ROBO1: variants seen among roughly 807,000 people sequenced by gnomAD.
ROBO1 encodes roundabout guidance receptor 1.
A neutral mutation model predicts 195.9 loss-of-function variants in ROBO1; 149 were observed. The ratio of observed to expected loss-of-function variants is 0.76; its 90% CI spans 0.67 to 0.87. The LOEUF is 0.87. Ranked by LOEUF, ROBO1 falls within the 40% of genes least tolerant of loss-of-function variation. ROBO1 has a pLI of 0.00. For synonymous variants in ROBO1, 816 were observed against 733.2 expected (o/e 1.11, Z -1.82); for missense variants, 1,933 against 2,068.3 (o/e 0.93, Z 1.27).
At chr3:79,232,154 C>T (rs764727018) in intron 2 of ROBO1, among the ~76,000 whole-genome samples, 6 of 150,914 alleles carry the variant, frequency 4.0e-5, no homozygotes, top group Non-Finnish European at 5.9e-5. Flanking sequence ...ATCCCCTTGA[C>T]ACAAGTTTAA....
chr3:78,851,058 C>T (rs1328248510), intron 4 of ROBO1, among the ~76,000 whole-genome samples: 1 of 152,086 alleles, frequency 6.6e-6, no homozygotes, highest in Non-Finnish European at 1.5e-5. Flanking sequence ...CCACCCACCA[C>T]CTCGGCCTCC....
At chr3:79,655,802 T>A (rs1012657974) in intron 1 of ROBO1, among the ~76,000 whole-genome samples, 6 of 152,062 alleles carry the variant, frequency 3.9e-5, no homozygotes, top group African/African-American at 1.4e-4. Context: ...CCGAGATGTG[T>A]TCCCTGTAGT....
At chr3:79,575,968 A>G (rs1460425268) in intron 2 of ROBO1, among the ~76,000 whole-genome samples, 1 of 151,902 alleles carries the variant, frequency 6.6e-6, no homozygotes, top group East Asian at 1.9e-4. Flanking sequence ...ATTCCTACAT[A>G]TTCTGTTGAA....
chr3:79,047,370 G>C (rs562001886), intron 3 of ROBO1, among the ~76,000 whole-genome samples: 3 of 151,742 alleles, frequency 2.0e-5, no homozygotes, highest in South Asian at 2.1e-4. Context: ...AGGAAGGACT[G>C]TTAAAAAAAA....
At chr3:78,901,819 GC>G in intron 4 of ROBO1, among the ~76,000 whole-genome samples, 1 of 152,224 alleles carries the variant, frequency 6.6e-6, no homozygotes, top group Non-Finnish European at 1.5e-5. Flanking sequence ...TTTTGTGATT[GC>G]CCATCTTTCC....
chr3:79,434,221 C>A (rs2107062771), intron 2 of ROBO1, among the ~76,000 whole-genome samples: 1 of 152,266 alleles, frequency 6.6e-6, no homozygotes, highest in East Asian at 1.9e-4. Context: ...CAAATGGGAT[C>A]TATTTAAACT....
chr3:79,672,071 A>C (rs1946649158), intron 1 of ROBO1, among the ~76,000 whole-genome samples: 2 of 151,982 alleles, frequency 1.3e-5, no homozygotes, highest in African/African-American at 4.8e-5. Flanking sequence ...TCAAGAATTA[A>C]TTAGACATTT....
intron 1 of ROBO1, among the ~76,000 whole-genome samples, chr3:79,645,586 A>C (rs1344761320): frequency 1.3e-5 from 2 of 152,134 alleles, no homozygotes; most frequent in Non-Finnish European, 2.9e-5. Context: ...CCCTATCAAA[A>C]TACCAATGAC....
chr3:79,523,832 A>G (rs932503075), intron 2 of ROBO1, among the ~76,000 whole-genome samples: 34 of 152,194 alleles, frequency 2.2e-4, no homozygotes, highest in African/African-American at 6.5e-4. Flanking sequence ...AGAAAATGAT[A>G]GAACACTGAT....
chr3:79,531,647 C>CA (rs1941667848), intron 2 of ROBO1, among the ~76,000 whole-genome samples: 1 of 152,092 alleles, frequency 6.6e-6, no homozygotes, highest in Non-Finnish European at 1.5e-5. Context: ...GAAACGCTGG[C>CA]AAAAATAGCA....
At chr3:79,483,700 T>G (rs1055588701) in intron 2 of ROBO1, among the ~76,000 whole-genome samples, 2 of 152,106 alleles carry the variant, frequency 1.3e-5, no homozygotes, top group Non-Finnish European at 2.9e-5. Context: ...GCAGGAAAAT[T>G]GTGATATTAT....
chr3:78,702,078 G>T (rs552697140), intron 8 of ROBO1, among the ~76,000 whole-genome samples: 1 of 152,074 alleles, frequency 6.6e-6, no homozygotes, highest in Non-Finnish European at 1.5e-5. Flanking sequence ...GAATTGCTTT[G>T]TATTTTTAAA....
intron 4 of ROBO1, among the ~76,000 whole-genome samples, chr3:78,897,621 T>TC (rs890206417): frequency 2.3e-5 from 1 of 43,978 alleles, no homozygotes; most frequent in African/African-American, 8.4e-5. Flanking sequence ...TAAATGGCTA[T>TC]CAGCCCTTTT....
At chr3:79,033,395 T>G (rs1402479488) in intron 3 of ROBO1, among the ~76,000 whole-genome samples, 1 of 152,136 alleles carries the variant, frequency 6.6e-6, no homozygotes, top group Non-Finnish European at 1.5e-5. Flanking sequence ...TTATTTCACA[T>G]TTTTCATTCT....
At chr3:79,116,760 C>G (rs1035329999) in intron 3 of ROBO1, among the ~76,000 whole-genome samples, 1 of 151,930 alleles carries the variant, frequency 6.6e-6, no homozygotes, top group African/African-American at 2.4e-5. Flanking sequence ...GTAAGTGATC[C>G]GCCCACCTTG....
chr3:79,530,481 T>C (rs1575976299), intron 2 of ROBO1, among the ~76,000 whole-genome samples: 3 of 152,212 alleles, frequency 2.0e-5, no homozygotes, highest in Non-Finnish European at 4.4e-5. Context: ...AAGGCATTGC[T>C]ATCTATCCTG....
At chr3:79,551,427 C>G (rs1485421487) in intron 2 of ROBO1, among the ~76,000 whole-genome samples, 1 of 150,788 alleles carries the variant, frequency 6.6e-6, no homozygotes, top group Non-Finnish European at 1.5e-5. Context: ...ATTTACTTTA[C>G]AGTTAAATAA....
At chr3:78,791,002 A>AT (rs1428333331) in intron 4 of ROBO1, among the ~76,000 whole-genome samples, 4 of 152,196 alleles carry the variant, frequency 2.6e-5, no homozygotes, top group Non-Finnish European at 5.9e-5. Flanking sequence ...TGTTAAGGAA[A>AT]TAGGATAACA....
Position 78,978,199 on chromosome 3 carries a change from A to C in ROBO1, c.173-39272T>G, listed in dbSNP as rs147044896. On this transcript the variant is annotated intron_variant, in intron 3 of 30. Transcript: ENST00000464233. ...GACCTATTGGTTCACAGATTAAAAA[A>C]ACCAGTAAACATATATGCTTCCATC... Among the ~76,000 whole-genome samples the C allele has an allele frequency of 5.4e-4, 82 of 152,258 alleles. 1 individual carries two copies. The highest frequency in any genetic ancestry group is 1.9e-3 in the African/African-American group (81 of 41,564).
Sources: allele counts gnomAD v4.1 joint callset (sites outside exome capture counted in the v4.1 genomes callset), GRCh38; gene constraint gnomAD v4.1.1; transcripts MANE v1.5; gene names NCBI Gene and HGNC (gene_info 2026-07-23, HGNC 2026-07-21).